The following KIR2DL3 variants were observed in gnomAD, a reference collection of about 807,000 sequenced individuals.
KIR2DL3 encodes the protein killer cell immunoglobulin-like receptor 2DL3.
Under a neutral mutation model 33.8 loss-of-function variants are expected in KIR2DL3, and 39 were observed. That is an observed-to-expected ratio of 1.15 (90% CI 0.89 to 1.51). The LOEUF is 1.51. Among genes scored for constraint, KIR2DL3 ranks in the 40% most tolerant of loss-of-function variants. The pLI is 0.00. For missense variants in KIR2DL3, 462 were observed against 426.2 expected (o/e 1.08, Z -0.74); for synonymous variants, 174 against 160.2 (o/e 1.09, Z -0.65).
chr19:54,750,664 G>A (rs2073282938), intron 5 of KIR2DL3, among the ~76,000 whole-genome samples: 1 of 136,810 alleles, frequency 7.3e-6, no homozygotes, highest in African/African-American at 2.8e-5. Context: ...CTGCACCTGG[G>A]CTTATGCCAA....
Position 54,742,270 on chromosome 19 carries a change from G to A in KIR2DL3, c.361G>A (p.Val121Ile), listed in dbSNP as rs575849272. 4.0e-5 allele frequency: 64 copies of A among 1,613,974 alleles called. No homozygotes were observed. The highest frequency in any genetic ancestry group is 1.3e-4 in the Admixed American group (8 of 60,008). The change falls in exon 3 of 8, where the codon GTC becomes ATC. Residue 121 changes from valine (V) to isoleucine (I), a missense_variant. Val to Ile is a conservative substitution (Grantham distance 29, BLOSUM62 3). Transcript: ENST00000342376. ...AGCTCCCAGTGACCCTCTGGACATC[G>A]TCATCACAGGTGAGAGTGTCCGGAC... ...LSAPSDPLDI[V>I]ITGLYEKPSL...
chr19:54,744,907 C>T (rs1477415585), intron 4 of KIR2DL3, among the ~76,000 whole-genome samples: 41 of 43,732 alleles, frequency 9.4e-4, no homozygotes, highest in African/African-American at 2.4e-3. Context: ...TACACACACA[C>T]ACACATATAT....
intron 2 of KIR2DL3, among the ~76,000 whole-genome samples, chr19:54,741,011 A>T (rs13346500): frequency 7.1e-6 from 1 of 140,230 alleles, no homozygotes; most frequent in South Asian, 2.4e-4. Flanking sequence ...CAGAGGGAAC[A>T]AAGCCCTGCA....
chr19:54,744,921 CATATATATATATAT>C (rs1177112432), intron 4 of KIR2DL3, among the ~76,000 whole-genome samples: 10 of 25,252 alleles, frequency 4.0e-4, no homozygotes, highest in Admixed American at 6.7e-4. Flanking sequence ...CATATATAAA[CATATATATATATAT>C]ATATATATAT....
At chr19:54,749,887 G>T (rs1331197846) in intron 5 of KIR2DL3, among the ~76,000 whole-genome samples, 4 of 83,182 alleles carry the variant, frequency 4.8e-5, no homozygotes, top group Non-Finnish European at 7.3e-5. Flanking sequence ...GGGACACAAG[G>T]AGACTCTATC....
chr19:54,740,020 T>C (rs2070721076), intron 2 of KIR2DL3, among the ~76,000 whole-genome samples: 2 of 152,006 alleles, frequency 1.3e-5, no homozygotes, highest in South Asian at 2.1e-4. Context: ...TGTTGTTTTA[T>C]GTGAGTAATC....
intron 4 of KIR2DL3, among the ~76,000 whole-genome samples, chr19:54,746,233 T>G (rs149125671): frequency 0.055 from 6,115 of 111,372 alleles, 943 homozygotes; most frequent in Middle Eastern, 0.15. Context: ...TTTTGCTCCT[T>G]TTTCAATTAA....
chr19:54,742,157 C>A lies in KIR2DL3; in HGVS notation c.248C>A (p.Ala83Asp). 6.2e-7 allele frequency: 1 copy of A among 1,613,886 alleles called. No individual in the cohort carries two copies. The highest frequency in any genetic ancestry group is 8.5e-7 in the Non-Finnish European group (1 of 1,179,952). The part of the protein sequence containing the change: ...IGEHHDGVSK[A>D]NFSIGPMMQD... The stretch of plus-strand genomic sequence containing the variant: ...GAGCACCATGATGGGGTCTCCAAGG[C>A]CAACTTCTCCATCGGTCCCATGATG... Residue 83 changes from alanine (A) to aspartate (D), a missense_variant, in exon 3 of 8, where the codon GCC becomes GAC. Coordinates refer to ENST00000342376, the MANE Select transcript of KIR2DL3 (RefSeq NM_015868.3).
intron 1 of KIR2DL3, 131 bp downstream of exon 1, chr19:54,738,710 G>A (rs2070262250): frequency 1.3e-6 from 1 of 753,766 alleles, no homozygotes; most frequent in Non-Finnish European, 1.9e-6. Context: ...GGAGATCTGG[G>A]CCTGGAGTGG....
intron 3 of KIR2DL3, among the ~76,000 whole-genome samples, chr19:54,743,292 G>A (rs1471438771): frequency 1.3e-5 from 2 of 151,956 alleles, no homozygotes; most frequent in African/African-American, 4.8e-5. Flanking sequence ...CAGATAGAGA[G>A]GCAGACAGAA....
At chr19:54,746,425 G>A (rs201678781) in intron 4 of KIR2DL3, among the ~76,000 whole-genome samples, 348 of 139,564 alleles carry the variant, frequency 2.5e-3, no homozygotes, top group African/African-American at 3.7e-3. Flanking sequence ...TTTTTGCTTC[G>A]ATTACTTGTG....
chr19:54,745,787 G>C (rs1211978307), intron 4 of KIR2DL3, among the ~76,000 whole-genome samples: 1 of 150,080 alleles, frequency 6.7e-6, no homozygotes, highest in African/African-American at 2.4e-5. Flanking sequence ...TCCTTTGCCT[G>C]TCTTGCAGCT....
intron 3 of KIR2DL3, among the ~76,000 whole-genome samples, chr19:54,742,574 T>C (rs1292332754): frequency 6.6e-6 from 1 of 151,782 alleles, no homozygotes; most frequent in Non-Finnish European, 1.5e-5. Context: ...CTGACTTTGC[T>C]CACAGACCTG....
At chr19:54,749,405 A>G (rs2073095836) in intron 5 of KIR2DL3, among the ~76,000 whole-genome samples, 1 of 131,378 alleles carries the variant, frequency 7.6e-6, no homozygotes, top group Non-Finnish European at 1.7e-5. Flanking sequence ...CACTAAATGA[A>G]TGAAGTAGAT....
In KIR2DL3 at chr19:54,742,160, A is replaced by C. The variant is rs755865659; in HGVS notation, c.251A>C (p.Asn84Thr). Residue 84 changes from asparagine to threonine, a missense_variant, in exon 3 of 8, where the codon AAC (asparagine) becomes ACC (threonine). By Grantham distance (65) the Asn-to-Thr change is moderately conservative. Coordinates refer to ENST00000342376, the MANE Select transcript of KIR2DL3 (RefSeq NM_015868.3). ...CACCATGATGGGGTCTCCAAGGCCA[A>C]CTTCTCCATCGGTCCCATGATGCAA... ...GEHHDGVSKANFSIGPMMQDL... is the reference protein window; with the variant it reads ...GEHHDGVSKATFSIGPMMQDL... 14 of 1,613,914 alleles carry C rather than the reference A, an allele frequency of 8.7e-6. No individual in the cohort carries two copies. Among genetic ancestry groups the C allele is most frequent in the Non-Finnish European group, 1.2e-5 (14 of 1,180,006 alleles).
At chr19:54,744,263 G>C (rs1270393479) in intron 4 of KIR2DL3, among the ~76,000 whole-genome samples, 175 bp downstream of exon 4, 1 of 152,168 alleles carries the variant, frequency 6.6e-6, no homozygotes, top group Non-Finnish European at 1.5e-5. Flanking sequence ...CCTCCTACAC[G>C]GCCTGCATGA....
Position 54,751,005 on chromosome 19 carries a change from G to A in KIR2DL3, c.716-644G>A, listed in dbSNP as rs1189699277. Among the ~76,000 whole-genome samples the A allele has an allele frequency of 6.8e-5, 9 of 132,534 alleles. 1 individual carries two copies. Among genetic ancestry groups the A allele is most frequent in the Admixed American group, 2.3e-4 (3 of 12,796 alleles). The allele number at this position is 132,534 out of a possible 152,430, so 86.9% of individuals were successfully genotyped here. ...GAGACGTTCCTCCTGATCTCAGGACGTTGCTGTCTTAGTCCATTTTTGTTG... is the reference window on the plus strand; with the variant it reads ...GAGACGTTCCTCCTGATCTCAGGACATTGCTGTCTTAGTCCATTTTTGTTG... On this transcript the variant is annotated intron_variant, in intron 5 of 7. Coordinates refer to ENST00000342376, the MANE Select transcript of KIR2DL3 (RefSeq NM_015868.3).
intron 4 of KIR2DL3, among the ~76,000 whole-genome samples, chr19:54,746,405 C>T (rs1235382876): frequency 3.4e-5 from 5 of 145,058 alleles, no homozygotes; most frequent in African/African-American, 7.6e-5. Flanking sequence ...GAGGTAATCC[C>T]AATGGTCTAT....
rs1222571941 is a variant in KIR2DL3, at chr19:54,742,187, AC to A, written c.280del (p.Ala95GlnfsTer51). 3.1e-6 allele frequency: 5 copies of A among 1,613,964 alleles called. No homozygotes were observed. The highest frequency in any genetic ancestry group is 1.3e-5 in the African/African-American group (1 of 74,858). ...TTCTCCATCGGTCCCATGATGCAAG[AC>A]CTTGCAGGGACCTACAGATGCTACG... ...ANFSIGPMMQ[D>X]LAGTYRCYGS... is the part of the protein sequence containing the mutation. On this transcript the variant is annotated frameshift_variant, in exon 3 of 8. Transcript: ENST00000342376. LOFTEE classifies it high-confidence loss of function.
Sources: allele counts gnomAD v4.1 joint callset (sites outside exome capture counted in the v4.1 genomes callset), GRCh38; gene constraint gnomAD v4.1.1; transcripts MANE v1.5; gene names NCBI Gene and HGNC (gene_info 2026-07-23, HGNC 2026-07-21).